GATA4: variants seen among roughly 807,000 people sequenced by gnomAD.
The protein encoded by GATA4 is transcription factor GATA-4.
A neutral mutation model predicts 37.9 loss-of-function variants in GATA4; 7 were observed. The ratio of observed to expected loss-of-function variants is 0.18; its 90% CI spans 0.11 to 0.35. GATA4 has a LOEUF of 0.35. Among genes scored for constraint, GATA4 ranks in the 10% least tolerant of loss-of-function variants. The probability of loss-of-function intolerance (pLI) is 1.00; values close to 1 mark genes in which losing one functional copy is unlikely to be tolerated. For synonymous variants in GATA4, 372 were observed against 292.6 expected (o/e 1.27, Z -2.77); for missense variants, 647 against 653.0 (o/e 0.99, Z 0.10).
chr8:11,717,934 G>A (rs552631523), intron 2 of GATA4, among the ~76,000 whole-genome samples: 1 of 152,324 alleles, frequency 6.6e-6, no homozygotes, highest in Admixed American at 6.5e-5. Flanking sequence ...CCAATGGGAG[G>A]ATTCTCCTAA....
chr8:11,758,448 C>A lies in GATA4; in HGVS notation c.1305C>A (p.Asp435Glu). The A allele has an allele frequency of 6.2e-7, 1 of 1,614,238 alleles. No homozygotes were observed. The highest frequency in any genetic ancestry group is 8.5e-7 in the Non-Finnish European group (1 of 1,180,048). The stretch of plus-strand genomic sequence containing the variant: ...CTTGGAACAGCCTGGTCTTGGCCGA[C>A]AGTCACGGGGACATAATCACTGCGT... The part of the protein sequence containing the change: ...QDSWNSLVLA[D>E]SHGDIITA The change falls in exon 7 of 7, where the codon GAC (aspartate) becomes GAA (glutamate). Residue 435 changes from aspartate to glutamate, a missense_variant. This residue lies in a region of GATA4 where 184 missense variants were observed against 157.1 expected (regional missense o/e 1.17). Coordinates refer to ENST00000532059, the MANE Select transcript of GATA4 (RefSeq NM_001308093.3).
At chr8:11,722,889 C>T (rs896627683) in intron 2 of GATA4, among the ~76,000 whole-genome samples, 2 of 152,150 alleles carry the variant, frequency 1.3e-5, no homozygotes, top group African/African-American at 4.8e-5. Context: ...ACATTTTTAG[C>T]TTATTGAATA....
intron 5 of GATA4, among the ~76,000 whole-genome samples, chr8:11,755,711 G>A (rs926261166): frequency 2.0e-5 from 3 of 152,080 alleles, no homozygotes; most frequent in Admixed American, 6.5e-5. Context: ...ATGATTTAAC[G>A]AGGGTCATAC....
At chr8:11,735,830 G>A (rs1585654713) in intron 2 of GATA4, among the ~76,000 whole-genome samples, 1 of 152,166 alleles carries the variant, frequency 6.6e-6, no homozygotes, top group Admixed American at 6.5e-5. Flanking sequence ...CAAAATGCTG[G>A]GATTACAGGC....
Position 11,709,524 on chromosome 8 carries a change from G to C in GATA4, c.616+596G>C, listed in dbSNP as rs1485598931. Among the ~76,000 whole-genome samples, 1 of 148,332 alleles carries C rather than the reference G, an allele frequency of 6.7e-6. No homozygotes were observed. ...GGGGAGATGCGCGGAACAGGAGCCG[G>C]CACTGTGCGGGTGCCACCCGGCCGA... On this transcript the variant is annotated intron_variant, in intron 2 of 6. Transcript: ENST00000532059. The surrounding 1 kb of genome is among the most constrained non-coding windows in gnomAD (Gnocchi z 4.3).
At chr8:11,713,412 G>T (rs1050078032) in intron 2 of GATA4, among the ~76,000 whole-genome samples, 22 of 152,144 alleles carry the variant, frequency 1.4e-4, no homozygotes, top group African/African-American at 5.3e-4. Context: ...GATCTTGGTG[G>T]TAATTGCCCC....
intron 1 of GATA4, among the ~76,000 whole-genome samples, chr8:11,681,834 C>A (rs1480312956): frequency 3.3e-5 from 5 of 152,144 alleles, no homozygotes; most frequent in African/African-American, 4.8e-5. Context: ...CGTGGGCAGA[C>A]CCGGCTGATG....
exon 1 of GATA4, chr8:11,676,999 C>G (rs1456427976): frequency 6.6e-6 from 1 of 152,306 alleles, no homozygotes; most frequent in Non-Finnish European, 1.5e-5. Flanking sequence ...AGCCTGGAAT[C>G]CCTGTGCAGA....
intron 2 of GATA4, among the ~76,000 whole-genome samples, chr8:11,727,748 G>C (rs538118457): frequency 4.6e-5 from 7 of 152,020 alleles, no homozygotes; most frequent in East Asian, 3.9e-4. Flanking sequence ...GGCTGCGGTG[G>C]GACGATCACT....
At chr8:11,686,408 T>TA (rs951562261) in intron 1 of GATA4, among the ~76,000 whole-genome samples, 31 of 152,176 alleles carry the variant, frequency 2.0e-4, no homozygotes, top group African/African-American at 7.5e-4. Context: ...GTCCTACATT[T>TA]AAAAAAAATT....
At chr8:11,698,135 G>C (rs1799562650) in intron 1 of GATA4, among the ~76,000 whole-genome samples, 1 of 152,222 alleles carries the variant, frequency 6.6e-6, no homozygotes, top group Admixed American at 6.5e-5. Flanking sequence ...GCGTCGCCAA[G>C]TCTCTTGACT....
chr8:11,692,594 C>G (rs1799350285), upstream of GATA4: 1 of 985,294 alleles, frequency 1.0e-6, no homozygotes, highest in Non-Finnish European at 1.2e-6. Context: ...GCGTGGCCCC[C>G]GCGCTGGGGC....
chr8:11,720,260 G>A lies in GATA4; in HGVS notation c.616+11332G>A, dbSNP rs117470145. Among the ~76,000 whole-genome samples, 17 of 152,062 alleles carry A rather than the reference G, an allele frequency of 1.1e-4. No individual in the cohort carries two copies. The East Asian group carries it at 2.5e-3, about 23-fold the overall frequency. ...AATCGAGTGTCTTCCGGCATGCCCC[G>A]TGATAGTCATTCAGGCTGACTTTGT... On this transcript the variant is annotated intron_variant, in intron 2 of 6. Transcript: ENST00000532059.
At chr8:11,699,992 C>T (rs189796976), upstream of GATA4, among the ~76,000 whole-genome samples, 1 of 152,278 alleles carries the variant, frequency 6.6e-6, no homozygotes, top group East Asian at 1.9e-4. Flanking sequence ...ATTCAGGAAT[C>T]CAGGTTCTAG....
rs190878050 is a variant in GATA4, at chr8:11,726,096, C to G, written c.616+17168C>G. 4.6e-5 allele frequency among the ~76,000 whole-genome samples: 7 copies of G among 152,368 alleles called. No homozygotes were observed. The East Asian group carries it at 1.2e-3, about 25-fold the overall frequency. Reference sequence around the variant, plus strand: ...CCGGAATACCATCACCTGGTACATACAGGACACATGCACGTATTCCTTCAC... The same window carrying G: ...CCGGAATACCATCACCTGGTACATAGAGGACACATGCACGTATTCCTTCAC... On this transcript the variant is annotated intron_variant, in intron 2 of 6. Transcript: ENST00000532059.
At chr8:11,682,729 A>T (rs1037434174) in intron 1 of GATA4, among the ~76,000 whole-genome samples, 11 of 152,250 alleles carry the variant, frequency 7.2e-5, no homozygotes, top group African/African-American at 2.7e-4. Flanking sequence ...TGATTGCAGA[A>T]CAACAAAAAT....
intron 2 of GATA4, among the ~76,000 whole-genome samples, chr8:11,734,107 A>G (rs1801336973): frequency 6.6e-6 from 1 of 152,176 alleles, no homozygotes. Context: ...AACAGCACCA[A>G]ACCAAGCATA....
In GATA4 at chr8:11,746,443, C is replaced by T. The variant is rs766026848; in HGVS notation, c.617-2473C>T. Among the ~76,000 whole-genome samples the T allele has an allele frequency of 4.6e-5, 7 of 152,240 alleles. No individual in the cohort carries two copies. In the East Asian group the frequency reaches 7.7e-4, roughly 17 times the overall value. On this transcript the variant is annotated intron_variant, in intron 2 of 6. Coordinates refer to ENST00000532059, the MANE Select transcript of GATA4 (RefSeq NM_001308093.3). ...GGTTTGGAATGGAAAGGTGATCTTA[C>T]AAGGCCTCTATGTCCAAGTGCGATT...
At position 11,697,597 on chromosome 8, in the gene GATA4, C is replaced by G. The variant is rs1167076526; in HGVS notation, c.-728-2911C>G. The G allele has an allele frequency of 5.1e-6, 5 of 985,446 alleles. No homozygotes were observed. The African/African-American group carries it at 8.7e-5, about 17-fold the overall frequency. 61.0% of individuals were successfully genotyped at this position (985,446 alleles called of 1,614,324 possible). ...GTCTGTCTGAAGGGGTCCTCGCCTG[C>G]GCCGAGGATGGCCGGACGGCCGGGC... is the stretch of plus-strand genomic sequence containing the variant. On this transcript the variant is annotated intron_variant, in intron 1 of 2. Transcript: ENST00000526974.
Sources: gnomAD v4.1 joint callset for allele counts (sites outside exome capture counted in the v4.1 genomes callset) on GRCh38, gnomAD v4.1.1 for gene constraint, gnomAD v4.1.1 regional missense constraint, Gnocchi (gnomAD v3.1) non-coding constraint, MANE v1.5 for transcripts, NCBI Gene and HGNC (gene_info 2026-07-23, HGNC 2026-07-21) for gene names.